CELF4: variants seen among roughly 807,000 people sequenced by gnomAD.
CELF4 encodes CUG-BP- and ETR-3-like factor 4.
A neutral mutation model predicts 59.9 loss-of-function variants in CELF4; 18 were observed. The observed-to-expected ratio is 0.30, with a 90% CI of 0.21 to 0.45. The LOEUF (loss-of-function observed/expected upper bound fraction) is 0.45. Ranked by LOEUF, CELF4 falls within the 20% of genes least tolerant of loss-of-function variation. CELF4 has a pLI of 1.00. For synonymous variants in CELF4, 261 were observed against 267.1 expected (o/e 0.98, Z 0.22); for missense variants, 456 against 689.0 (o/e 0.66, Z 3.79).
intron 2 of CELF4, among the ~76,000 whole-genome samples, chr18:37,412,726 T>C (rs1234182019): frequency 6.6e-6 from 1 of 152,186 alleles, no homozygotes; most frequent in African/African-American, 2.4e-5. Flanking sequence ...CATCACACTC[T>C]GCTCTCTTAG....
At chr18:37,517,311 A>T (rs2154604526) in intron 1 of CELF4, among the ~76,000 whole-genome samples, 1 of 152,170 alleles carries the variant, frequency 6.6e-6, no homozygotes, top group Non-Finnish European at 1.5e-5. Flanking sequence ...TTACTTTTCA[A>T]GTGTGGGCTT....
chr18:37,515,923 A>T (rs1394948452), intron 1 of CELF4, among the ~76,000 whole-genome samples: 1 of 152,134 alleles, frequency 6.6e-6, no homozygotes, highest in Non-Finnish European at 1.5e-5. Context: ...TGAAAGCAGG[A>T]CTTGCCTTCT....
chr18:37,342,403 C>T (rs1040831993), intron 2 of CELF4, among the ~76,000 whole-genome samples: 11 of 152,108 alleles, frequency 7.2e-5, no homozygotes, highest in Non-Finnish European at 1.5e-5. Flanking sequence ...GTCTGAGAGC[C>T]GGGCTCAGAA....
At chr18:37,486,931 C>G (rs1168838938) in intron 1 of CELF4, among the ~76,000 whole-genome samples, 1 of 152,240 alleles carries the variant, frequency 6.6e-6, no homozygotes, top group Admixed American at 6.5e-5. Context: ...TCCAGGCAGC[C>G]CTCCTTGGCT....
chr18:37,272,993 C>T (rs372057581), intron 7 of CELF4, 23 bp downstream of exon 7: 83 of 1,595,032 alleles, frequency 5.2e-5, no homozygotes, highest in Non-Finnish European at 6.8e-5. Flanking sequence ...GGCCAGACCG[C>T]GTGTTGGCAC....
Position 37,565,751 on chromosome 18 carries a change from C to T in CELF4, c.-110G>A. On this transcript the variant is annotated 5_prime_UTR_variant, in exon 1 of 13. Transcript: ENST00000420428. ...CGCATACACACACTCGGGTTCTCTC[C>T]CCCTCGGTTTCTCTACACCTCGCTC... The T allele has an allele frequency of 1.2e-6, 1 of 861,394 alleles. No homozygotes were observed. The highest frequency in any genetic ancestry group is 3.0e-5 in the East Asian group (1 of 33,572). 53.4% of individuals were successfully genotyped at this position (861,394 alleles called of 1,614,324 possible). A position where few individuals can be genotyped will look rare whatever the true frequency, so the allele number is the denominator to read the frequency against.
chr18:37,500,141 G>A (rs561333612), intron 1 of CELF4, among the ~76,000 whole-genome samples: 4 of 152,270 alleles, frequency 2.6e-5, no homozygotes, highest in Non-Finnish European at 5.9e-5. Context: ...TGCACCAAAT[G>A]GAAGGGAATC....
chr18:37,532,006 C>T (rs960047735), intron 1 of CELF4, among the ~76,000 whole-genome samples: 4 of 152,230 alleles, frequency 2.6e-5, no homozygotes, highest in Admixed American at 1.3e-4. Flanking sequence ...TCGCCTATGG[C>T]GCACATTACT....
chr18:37,359,417 C>T (rs1413545189), intron 2 of CELF4, among the ~76,000 whole-genome samples: 1 of 152,146 alleles, frequency 6.6e-6, no homozygotes, highest in Non-Finnish European at 1.5e-5. Context: ...TTATAGCTCA[C>T]TGTAGTCTCA....
chr18:37,333,739 TC>T (rs2097651784), intron 2 of CELF4, among the ~76,000 whole-genome samples: 2 of 148,116 alleles, frequency 1.4e-5, no homozygotes, highest in Non-Finnish European at 3.0e-5. Context: ...CATCCATCCA[TC>T]CATCCATCCA....
chr18:37,409,644 C>A (rs1183921425), intron 2 of CELF4, among the ~76,000 whole-genome samples: 1 of 151,886 alleles, frequency 6.6e-6, no homozygotes, highest in Non-Finnish European at 1.5e-5. Flanking sequence ...GTGAGGGAGA[C>A]CCTGGCGGGG....
At chr18:37,504,453 C>CA (rs765700471) in intron 1 of CELF4, among the ~76,000 whole-genome samples, 3,714 of 70,462 alleles carry the variant, frequency 0.053, 120 homozygotes, top group East Asian at 0.1. Context: ...GACTCCATCT[C>CA]AAAAAAAAAA....
chr18:37,415,471 G>A (rs1233127745), intron 2 of CELF4, among the ~76,000 whole-genome samples: 3 of 152,212 alleles, frequency 2.0e-5, no homozygotes, highest in Non-Finnish European at 2.9e-5. Flanking sequence ...AAGTCACGCA[G>A]CAACTTTGTG....
At position 37,427,105 on chromosome 18, in the gene CELF4, G is replaced by A. The variant is rs149796432; in HGVS notation, c.369+58420C>T. On this transcript the variant is annotated intron_variant, in intron 2 of 12. Transcript: ENST00000420428. ...GCAGCAGCATAGAGCGCAGTCTGGCGGGAGCCTGAGGAAGAAGGCCCTTGT... is the reference window on the plus strand; with the variant it reads ...GCAGCAGCATAGAGCGCAGTCTGGCAGGAGCCTGAGGAAGAAGGCCCTTGT... Among the ~76,000 whole-genome samples, 425 of 152,218 alleles carry A rather than the reference G, an allele frequency of 2.8e-3. 2 individuals are homozygous for A. Among genetic ancestry groups the A allele is most frequent in the South Asian group, 0.018 (85 of 4,812 alleles).
chr18:37,480,469 T>C (rs2090636247), intron 2 of CELF4, among the ~76,000 whole-genome samples: 1 of 152,252 alleles, frequency 6.6e-6, no homozygotes, highest in South Asian at 2.1e-4. Context: ...TTAGTTTCTG[T>C]TATCATATCA....
chr18:37,500,930 C>T lies in CELF4; in HGVS notation c.287-15323G>A, dbSNP rs549293399. Among the ~76,000 whole-genome samples, 30 of 152,298 alleles carry T rather than the reference C, an allele frequency of 2.0e-4. No individual in the cohort carries two copies. The South Asian group carries it at 4.8e-3, about 24-fold the overall frequency. ...CGTAGGGTGAGGTGGATAGAAGGTC[C>T]AGCTGAGGCCTCTCCTGCCTGGAAT... On this transcript the variant is annotated intron_variant, in intron 1 of 12. Transcript: ENST00000420428.
chr18:37,375,027 T>A (rs2098950537), intron 2 of CELF4, among the ~76,000 whole-genome samples: 1 of 152,212 alleles, frequency 6.6e-6, no homozygotes, highest in East Asian at 1.9e-4. Context: ...TGGCCTGTGA[T>A]GTGTGTCCTC....
intron 10 of CELF4, among the ~76,000 whole-genome samples, chr18:37,261,316 C>G (rs1461517628): frequency 1.3e-5 from 2 of 151,994 alleles, no homozygotes; most frequent in Admixed American, 1.3e-4. Flanking sequence ...TGACACCTGC[C>G]TTGACTTGGG....
In CELF4 at chr18:37,274,887, G is replaced by A; in HGVS notation, c.578-3C>T. ...GGAGTACTTCACAAAGGCGCACCCT[G>A]CGAGGACGCGAGAGGCCGAGCTGGG... On this transcript the variant is annotated splice_polypyrimidine_tract_variant and splice_region_variant and intron_variant, in intron 4 of 12. Coordinates refer to ENST00000420428, the MANE Select transcript of CELF4 (RefSeq NM_020180.4). The A allele has an allele frequency of 1.2e-6, 2 of 1,605,452 alleles. No individual in the cohort carries two copies. Among genetic ancestry groups the A allele is most frequent in the Non-Finnish European group, 8.5e-7 (1 of 1,176,758 alleles).
Sources: gnomAD v4.1 joint callset for allele counts (sites outside exome capture counted in the v4.1 genomes callset) on GRCh38, gnomAD v4.1.1 for gene constraint, MANE v1.5 for transcripts, NCBI Gene and HGNC (gene_info 2026-07-23, HGNC 2026-07-21) for gene names.